Variants in ZBBX observed in about 807,000 individuals in gnomAD.
The protein encoded by ZBBX is zinc finger B-box domain containing, also known as zinc finger B-box domain-containing protein 1.
ZBBX carries 101 observed loss-of-function variants against 108.5 expected under a neutral mutation model. The observed-to-expected ratio is 0.93, with a 90% CI of 0.79 to 1.10. ZBBX has a LOEUF of 1.10. Among genes scored for constraint, ZBBX ranks in the 50% least tolerant of loss-of-function variants. The pLI, the probability that ZBBX is intolerant of heterozygous loss-of-function variation, is 0.00. For synonymous variants in ZBBX, 356 were observed against 323.4 expected (o/e 1.10, Z -1.08); for missense variants, 1,009 against 941.4 (o/e 1.07, Z -0.94).
Position 167,350,458 on chromosome 3 carries a change from T to C in ZBBX, c.490A>G (p.Lys164Glu). The C allele has an allele frequency of 1.3e-6, 2 of 1,598,020 alleles. No homozygotes were observed. Among genetic ancestry groups the C allele is most frequent in the Non-Finnish European group, 1.7e-6 (2 of 1,169,936 alleles). ...GTTCTGTGGAGCTTTAGTGCCCCTT[T>C]CTGGTGAACTTTAGCAAAGCATCCT... ...CSGCFAKVHQ[K>E]GALKLHRTTL... The change falls in exon 9 of 22, where the codon AAA becomes GAA. Residue 164 changes from lysine to glutamate, a missense_variant. Physicochemically the swap from Lys to Glu is moderately conservative, Grantham distance 56. Transcript: ENST00000675490.
chr3:167,292,357 G>C (rs962313444), intron 18 of ZBBX, among the ~76,000 whole-genome samples: 2 of 152,114 alleles, frequency 1.3e-5, no homozygotes, highest in African/African-American at 4.8e-5. Flanking sequence ...CAGTCTCTCA[G>C]ACCACAGTGC....
At position 167,313,976 on chromosome 3, in the gene ZBBX, T is replaced by C. The variant is rs1275015977; in HGVS notation, c.1415A>G (p.Lys472Arg). ...NSSTYYKDNS[K>R]AETSNTDFDN... ...TCCAGCAACAAGAAAAATGTTACCT[T>C]TTGAATTATCTTTATAATAAGTAGA... Residue 472 changes from lysine (K) to arginine (R), a missense_variant and splice_region_variant, in exon 16 of 22, where the codon AAA becomes AGA. Lys to Arg is a conservative substitution (Grantham distance 26). Coordinates refer to ENST00000675490, the MANE Select transcript of ZBBX (RefSeq NM_001199201.2). 1.3e-6 allele frequency: 2 copies of C among 1,575,882 alleles called. No individual in the cohort carries two copies. The highest frequency in any genetic ancestry group is 1.7e-6 in the Non-Finnish European group (2 of 1,163,660).
At chr3:167,314,787 A>G (rs1231604713) in intron 15 of ZBBX, among the ~76,000 whole-genome samples, 1 of 152,178 alleles carries the variant, frequency 6.6e-6, no homozygotes, top group African/African-American at 2.4e-5. Context: ...CTGCCAAATC[A>G]TGATCAGTAA....
chr3:167,180,530 A>G, the ZBBX span, among the ~76,000 whole-genome samples: 1 of 152,350 alleles, frequency 6.6e-6, no homozygotes, highest in Admixed American at 6.5e-5. Flanking sequence ...TGATCATAAC[A>G]TTGGAATAAT....
At chr3:167,259,428 T>C (rs1301128507) in intron 20 of ZBBX, among the ~76,000 whole-genome samples, 2 of 152,146 alleles carry the variant, frequency 1.3e-5, no homozygotes, top group African/African-American at 2.4e-5. Flanking sequence ...ACCACCTGTT[T>C]GTTTCATTTA....
the ZBBX span, among the ~76,000 whole-genome samples, chr3:167,192,252 T>C: frequency 3.9e-5 from 6 of 152,174 alleles, no homozygotes; most frequent in African/African-American, 1.4e-4. Context: ...TGTTTTCACA[T>C]TGTTATTTAC....
intron 8 of ZBBX, among the ~76,000 whole-genome samples, chr3:167,353,674 TATAAC>T (rs1435931061): frequency 1.3e-5 from 2 of 151,912 alleles, no homozygotes; most frequent in Admixed American, 1.3e-4. Context: ...AATAATAAAT[TATAAC>T]AGAGCAGTGA....
At chr3:167,220,769 G>T in the ZBBX span, among the ~76,000 whole-genome samples, 120 of 152,024 alleles carry the variant, frequency 7.9e-4, 1 homozygote, top group East Asian at 0.018. Flanking sequence ...CATTCAAATT[G>T]CAAAGGAAGA....
At chr3:167,287,782 A>C (rs1335889041) in intron 19 of ZBBX, among the ~76,000 whole-genome samples, 1 of 152,148 alleles carries the variant, frequency 6.6e-6, no homozygotes, top group Non-Finnish European at 1.5e-5. Context: ...TGATGTAAAA[A>C]TAGGCATCTA....
intron 1 of ZBBX, among the ~76,000 whole-genome samples, chr3:167,405,103 CA>C (rs1183935441): frequency 6.6e-6 from 1 of 152,044 alleles, no homozygotes; most frequent in Non-Finnish European, 1.5e-5. Flanking sequence ...GAAGAAGAAG[CA>C]CATCTGAGAG....
intron 20 of ZBBX, among the ~76,000 whole-genome samples, chr3:167,278,181 T>G (rs1158826200): frequency 1.6e-5 from 2 of 124,134 alleles, no homozygotes; most frequent in East Asian, 5.0e-4. Flanking sequence ...AACATCACAA[T>G]TAAAAGAACT....
chr3:167,263,032 GTTCTTT>G (rs1724835969), intron 20 of ZBBX, among the ~76,000 whole-genome samples: 1 of 111,034 alleles, frequency 9.0e-6, no homozygotes, highest in African/African-American at 3.3e-5. Context: ...TGCTTTTCTA[GTTCTTT>G]TTTTTTTTTT....
At chr3:167,352,562 A>C (rs1392554478) in intron 8 of ZBBX, among the ~76,000 whole-genome samples, 1 of 152,110 alleles carries the variant, frequency 6.6e-6, no homozygotes, top group Non-Finnish European at 1.5e-5. Context: ...AAAAAGAAAA[A>C]TTGATACCAA....
intron 6 of ZBBX, among the ~76,000 whole-genome samples, chr3:167,360,992 CATTAT>C (rs1169758047): frequency 6.6e-6 from 1 of 151,570 alleles, no homozygotes; most frequent in Non-Finnish European, 1.5e-5. Context: ...AAACAAAAAC[CATTAT>C]ATCTCATTAT....
chr3:167,366,871 G>C (rs534761563), intron 5 of ZBBX: 1 of 456,038 alleles, frequency 2.2e-6, no homozygotes, highest in South Asian at 1.5e-5. Context: ...GAAGGTAAAA[G>C]AATTGGCCAC....
chr3:167,383,691 G>A (rs1747816695), upstream of ZBBX, among the ~76,000 whole-genome samples: 1 of 151,966 alleles, frequency 6.6e-6, no homozygotes, highest in South Asian at 2.1e-4. Context: ...TTCGATTCCT[G>A]CAATGTGCAG....
At chr3:167,279,004 T>A (rs1043592790) in intron 20 of ZBBX, among the ~76,000 whole-genome samples, 1 of 152,090 alleles carries the variant, frequency 6.6e-6, no homozygotes, top group Non-Finnish European at 1.5e-5. Flanking sequence ...AAAAACCACA[T>A]GATTATCTCA....
At chr3:167,353,337 C>G (rs1452098629) in intron 8 of ZBBX, among the ~76,000 whole-genome samples, 1 of 151,984 alleles carries the variant, frequency 6.6e-6, no homozygotes, top group African/African-American at 2.4e-5. Context: ...TCTTTTACAG[C>G]AACATGAAAG....
chr3:167,216,321 T>C, the ZBBX span, among the ~76,000 whole-genome samples: 5 of 152,114 alleles, frequency 3.3e-5, no homozygotes, highest in Admixed American at 2.6e-4. Context: ...CAAGCATTCC[T>C]ATACACCACC....
Sources: gnomAD v4.1 joint callset for allele counts (sites outside exome capture counted in the v4.1 genomes callset) on GRCh38, gnomAD v4.1.1 for gene constraint, MANE v1.5 for transcripts, NCBI Gene and HGNC (gene_info 2026-07-23, HGNC 2026-07-21) for gene names.